The following ELOVL5 variants were observed in gnomAD, a reference collection of about 807,000 sequenced individuals.
ELOVL5 encodes ELOVL fatty acid elongase 5.
In ELOVL5, 8 loss-of-function variants were observed where a neutral mutation model predicts 38.6. The ratio of observed to expected loss-of-function variants is 0.21; its 90% CI spans 0.12 to 0.37. The LOEUF (loss-of-function observed/expected upper bound fraction) is 0.37, where lower values mean the gene tolerates loss of function less well. Ranked by LOEUF, ELOVL5 falls within the 10% of genes least tolerant of loss-of-function variation. The pLI is 1.00. For missense variants in ELOVL5, 280 were observed against 367.8 expected (o/e 0.76, Z 1.95); for synonymous variants, 127 against 133.7 (o/e 0.95, Z 0.34).
intron 1 of ELOVL5, among the ~76,000 whole-genome samples, chr6:53,333,510 G>A (rs1296977159): frequency 6.6e-6 from 1 of 152,158 alleles, no homozygotes; most frequent in Non-Finnish European, 1.5e-5. Context: ...CTCCCTCTCT[G>A]TTTTAAATCG....
intron 1 of ELOVL5, among the ~76,000 whole-genome samples, chr6:53,296,705 T>G (rs1046786039): frequency 6.6e-6 from 1 of 152,194 alleles, no homozygotes; most frequent in African/African-American, 2.4e-5. Flanking sequence ...GCTCCCTACC[T>G]TCCCCAATTT....
chr6:53,297,405 T>C lies in ELOVL5; in HGVS notation c.-8-1698A>G, dbSNP rs115850296. 4.4e-3 allele frequency among the ~76,000 whole-genome samples: 663 copies of C among 152,246 alleles called. 8 individuals are homozygous for C. Among genetic ancestry groups the C allele is most frequent in the African/African-American group, 0.015 (640 of 41,522 alleles). On this transcript the variant is annotated intron_variant, in intron 1 of 7. Coordinates refer to ENST00000304434, the MANE Select transcript of ELOVL5 (RefSeq NM_021814.5). The stretch of plus-strand genomic sequence containing the variant: ...AAATAAACAATTCATAAGTTGTAGA[T>C]TGCACACAGTTCTGAGTAGCATGAT...
intron 2 of ELOVL5, chr6:53,294,266 C>T (rs976018727): frequency 9.7e-6 from 15 of 1,550,916 alleles, no homozygotes; most frequent in African/African-American, 1.4e-5. Context: ...TGGTCCTAAC[C>T]CCCTCTGGTG....
chr6:53,319,206 G>A (rs560109245), intron 1 of ELOVL5, among the ~76,000 whole-genome samples: 3 of 144,998 alleles, frequency 2.1e-5, no homozygotes, highest in Non-Finnish European at 4.5e-5. Context: ...GGTAGGCGGA[G>A]CTTGCAGTGA....
chr6:53,307,014 T>A (rs561724244), intron 1 of ELOVL5, among the ~76,000 whole-genome samples: 3 of 152,206 alleles, frequency 2.0e-5, no homozygotes, highest in Non-Finnish European at 4.4e-5. Flanking sequence ...GAGTTAGTCA[T>A]CCTCCTGACT....
chr6:53,320,866 A>AT (rs1328799445), intron 1 of ELOVL5, among the ~76,000 whole-genome samples: 3 of 152,010 alleles, frequency 2.0e-5, no homozygotes, highest in African/African-American at 4.8e-5. Context: ...CCCAATGTTT[A>AT]TTTTTTTTAA....
At chr6:53,295,396 C>A (rs902454742) in intron 2 of ELOVL5, among the ~76,000 whole-genome samples, 2 of 152,184 alleles carry the variant, frequency 1.3e-5, no homozygotes, top group African/African-American at 4.8e-5. Flanking sequence ...ATGGTGAAAT[C>A]TATAGTATTC....
intron 1 of ELOVL5, among the ~76,000 whole-genome samples, chr6:53,298,976 C>G (rs908038356): frequency 6.7e-6 from 1 of 150,058 alleles, no homozygotes; most frequent in Non-Finnish European, 1.5e-5. Flanking sequence ...AAAGACAAAA[C>G]TAAAAGGAAT....
chr6:53,275,449 C>T (rs972027836), intron 4 of ELOVL5, among the ~76,000 whole-genome samples, 188 bp from the exon 5 acceptor site: 6 of 152,120 alleles, frequency 3.9e-5, no homozygotes, highest in Non-Finnish European at 7.3e-5. Context: ...AACCAAAGAA[C>T]ATGATTGGGT....
At chr6:53,323,364 T>C (rs556780180) in intron 1 of ELOVL5, among the ~76,000 whole-genome samples, 6 of 152,290 alleles carry the variant, frequency 3.9e-5, no homozygotes, top group South Asian at 2.1e-4. Flanking sequence ...TAATTTGGTT[T>C]TTCTTCCCCA....
intron 1 of ELOVL5, among the ~76,000 whole-genome samples, chr6:53,320,609 C>A (rs568184675): frequency 2.2e-4 from 33 of 152,128 alleles, no homozygotes; most frequent in African/African-American, 7.9e-4. Context: ...AGGCGTGAGC[C>A]ACCACACCCG....
intron 1 of ELOVL5, among the ~76,000 whole-genome samples, chr6:53,319,784 G>A (rs1243339972): frequency 1.3e-5 from 2 of 152,130 alleles, no homozygotes; most frequent in Non-Finnish European, 2.9e-5. Flanking sequence ...CAGGGCTAGG[G>A]CCCTCTCTTG....
intron 6 of ELOVL5, among the ~76,000 whole-genome samples, chr6:53,272,754 G>A (rs898476178): frequency 1.3e-5 from 2 of 152,130 alleles, no homozygotes; most frequent in African/African-American, 4.8e-5. Context: ...TCCACTGCAT[G>A]GGGGCTGAGG....
In ELOVL5 at chr6:53,268,929, G is replaced by GT; in HGVS notation, c.*197_*198insA. 7.0e-6 allele frequency: 4 copies of GT among 569,998 alleles called. No individual in the cohort carries two copies. The South Asian group carries it at 1.1e-4, about 16-fold the overall frequency. 35.3% of individuals were successfully genotyped at this position (569,998 alleles called of 1,614,324 possible). On this transcript the variant is annotated 3_prime_UTR_variant, in exon 8 of 8. Coordinates refer to ENST00000304434, the MANE Select transcript of ELOVL5 (RefSeq NM_021814.5). ...TCTAGCGCAGGGGTCAGAGAGCCCA[G>GT]AAATGTTAGAAATCTTATCCCTACT... is the stretch of plus-strand genomic sequence containing the variant.
chr6:53,326,449 C>A (rs568310697), intron 1 of ELOVL5, among the ~76,000 whole-genome samples: 1 of 152,262 alleles, frequency 6.6e-6, no homozygotes, highest in Admixed American at 6.5e-5. Context: ...CAACTTCTGC[C>A]GTCCCCTCTT....
chr6:53,304,544 C>A (rs1767402238), intron 1 of ELOVL5, among the ~76,000 whole-genome samples: 1 of 152,102 alleles, frequency 6.6e-6, no homozygotes, highest in Non-Finnish European at 1.5e-5. Flanking sequence ...GGTCAGCAGG[C>A]AAACAAGTGA....
intron 6 of ELOVL5, 124 bp downstream of exon 6, chr6:53,273,096 A>T: frequency 9.5e-7 from 1 of 1,056,920 alleles, no homozygotes; most frequent in Non-Finnish European, 1.4e-6. Flanking sequence ...CAAGGAATTT[A>T]ATTACATCAA....
intron 3 of ELOVL5, among the ~76,000 whole-genome samples, chr6:53,278,564 T>A (rs775885615): frequency 5.9e-5 from 9 of 152,184 alleles, no homozygotes; most frequent in Admixed American, 6.5e-5. Context: ...AATCCATGTA[T>A]AAAACACCTG....
At chr6:53,348,334 G>A (rs1230041433) in intron 1 of ELOVL5, among the ~76,000 whole-genome samples, 2 of 151,452 alleles carry the variant, frequency 1.3e-5, no homozygotes, top group Non-Finnish European at 2.9e-5. Context: ...CCCTCGCACA[G>A]GCTCTTCGAA....
Sources: gnomAD v4.1 joint callset for allele counts (sites outside exome capture counted in the v4.1 genomes callset) on GRCh38, gnomAD v4.1.1 for gene constraint, MANE v1.5 for transcripts, NCBI Gene and HGNC (gene_info 2026-07-23, HGNC 2026-07-21) for gene names.